Variants in EXOSC10 observed in about 807,000 individuals in gnomAD.
EXOSC10 encodes exosome complex component 10.
In EXOSC10, 94 loss-of-function variants were observed where a neutral mutation model predicts 126.6. That is an observed-to-expected ratio of 0.74 (90% CI 0.63 to 0.88). EXOSC10 has a LOEUF of 0.88. Among genes scored for constraint, EXOSC10 ranks in the 40% least tolerant of loss-of-function variants. The probability of loss-of-function intolerance (pLI) is 0.00; values close to 1 mark genes in which losing one functional copy is unlikely to be tolerated. For missense variants in EXOSC10, 1,041 were observed against 1,100.5 expected, an observed-to-expected ratio of 0.95 and a Z score of 0.77; for synonymous variants, 395 against 400.8, an observed-to-expected ratio of 0.99 and a Z score of 0.17.
chr1:11,070,218 C>T (rs184702260), intron 21 of EXOSC10, among the ~76,000 whole-genome samples: 298 of 132,678 alleles, frequency 2.2e-3, no homozygotes, highest in Middle Eastern at 0.014. Context: ...GCCTGGGCAT[C>T]AGGGTAAGAG....
At chr1:11,070,195 C>T (rs1557692093) in intron 21 of EXOSC10, among the ~76,000 whole-genome samples, 2 of 148,584 alleles carry the variant, frequency 1.3e-5, no homozygotes, top group Admixed American at 1.4e-4. Flanking sequence ...TATAATTGCA[C>T]CACTGTACTC....
intron 14 of EXOSC10, among the ~76,000 whole-genome samples, chr1:11,078,343 C>T (rs913776770): frequency 3.3e-5 from 5 of 150,860 alleles, no homozygotes; most frequent in Non-Finnish European, 5.9e-5. Context: ...CTGCAAGCTC[C>T]GCCTCCCGGG....
intron 1 of EXOSC10, among the ~76,000 whole-genome samples, chr1:11,098,732 A>T (rs938934905): frequency 7.2e-5 from 11 of 152,230 alleles, no homozygotes; most frequent in Non-Finnish European, 1.3e-4. Flanking sequence ...AACAGCTACT[A>T]TCTAAAACTG....
Position 11,070,959 on chromosome 1 carries a change from C to T in EXOSC10, c.2257G>A (p.Ala753Thr). 6.2e-7 allele frequency: 1 copy of T among 1,614,042 alleles called. No homozygotes were observed. The highest frequency in any genetic ancestry group is 8.5e-7 in the Non-Finnish European group (1 of 1,179,980). Residue 753 changes from alanine (A) to threonine (T), a missense_variant, in exon 21 of 25, where the codon GCA (alanine) becomes ACA (threonine). By Grantham distance (58) the Ala-to-Thr change is moderately conservative (BLOSUM62 0). Around this residue, in one of 3 missense-constraint regions of EXOSC10, gnomAD observed 388 missense variants for 415.2 expected, o/e 0.93. Coordinates refer to ENST00000376936, the MANE Select transcript of EXOSC10 (RefSeq NM_001001998.3). ...AAEQTAAREQ[A>T]KEACKAAAEQ... The stretch of plus-strand genomic sequence containing the variant: ...GCTGCAGCTTTGCACGCCTCCTTTG[C>T]CTGTTCCCGGGCAGCTGCAAGGGAG...
At chr1:11,097,211 C>T (rs1641153314) in intron 2 of EXOSC10, among the ~76,000 whole-genome samples, 2 of 150,268 alleles carry the variant, frequency 1.3e-5, no homozygotes, top group Admixed American at 6.6e-5. Context: ...CTCCGTACTC[C>T]CCCCCAACAA....
intron 17 of EXOSC10, 39 bp from the exon 18 acceptor site, chr1:11,074,365 A>G: frequency 1.4e-6 from 2 of 1,395,828 alleles, no homozygotes; most frequent in Non-Finnish European, 2.0e-6. Context: ...AATGACCATG[A>G]TCATCTGTGA....
intron 10 of EXOSC10, among the ~76,000 whole-genome samples, chr1:11,081,741 T>G (rs1026292191): frequency 6.6e-6 from 1 of 152,250 alleles, no homozygotes; most frequent in African/African-American, 2.4e-5. Flanking sequence ...TTATCTTTTA[T>G]TTGGATTTTA....
intron 24 of EXOSC10, 61 bp from the exon 25 acceptor site, chr1:11,066,809 T>C (rs1639123757): frequency 1.6e-5 from 26 of 1,582,718 alleles, no homozygotes; most frequent in Non-Finnish European, 2.3e-5. Context: ...TCTCAGATGG[T>C]TTACAAAATG....
intron 23 of EXOSC10, 43 bp from the exon 24 acceptor site, chr1:11,068,127 C>T: frequency 6.5e-7 from 1 of 1,530,980 alleles, no homozygotes; most frequent in Admixed American, 1.7e-5. Context: ...GGCACCTTGA[C>T]CACAAGATAC....
At position 11,091,582 on chromosome 1, in the gene EXOSC10, C is replaced by T. The variant is rs757766252; in HGVS notation, c.388G>A (p.Glu130Lys). The T allele has an allele frequency of 1.9e-6, 3 of 1,614,114 alleles. No individual in the cohort carries two copies. The East Asian group carries it at 6.7e-5, about 36-fold the overall frequency. ...TGATTCTTGTTTACACCTGAGGCTT[C>T]ATCCAGTAAAATACCCTAAGAGTAG... Reference protein sequence around the residue: ...ILERVGILLDEASGVNKNQQP... With the variant: ...ILERVGILLDKASGVNKNQQP... Residue 130 changes from glutamate (E) to lysine (K), a missense_variant, in exon 4 of 25, where the codon GAA (glutamate) becomes AAA (lysine). Transcript: ENST00000376936.
chr1:11,082,672 G>A lies in EXOSC10; in HGVS notation c.1280+16C>T. 1.9e-6 allele frequency: 3 copies of A among 1,613,440 alleles called. No individual in the cohort carries two copies. Among genetic ancestry groups the A allele is most frequent in the Non-Finnish European group, 2.5e-6 (3 of 1,179,406 alleles). ...TTCTTCTGCCACCCACATTTCCTCA[G>A]TAAGAGCAAACTGACCGTATTCTCC... On this transcript the variant is annotated intron_variant, in intron 10 of 24. Transcript: ENST00000376936.
At chr1:11,097,596 G>A (rs1025637175) in intron 2 of EXOSC10, among the ~76,000 whole-genome samples, 3 of 146,132 alleles carry the variant, frequency 2.1e-5, no homozygotes, top group African/African-American at 7.6e-5. Context: ...CGTGTTGACG[G>A]GCACCTGTAG....
At position 11,076,966 on chromosome 1, in the gene EXOSC10, A is replaced by G. The variant is rs201435830; in HGVS notation, c.1880-18T>C. On this transcript the variant is annotated intron_variant, in intron 16 of 24. Transcript: ENST00000376936. ...CACAGATCCTAGAGGAGCAGAAGAT[A>G]GTAAGGTCAAAGCCTACAGAATTTT... 17 of 1,583,486 alleles carry G rather than the reference A, an allele frequency of 1.1e-5. No individual in the cohort carries two copies. The East Asian group carries it at 3.6e-4, about 33-fold the overall frequency.
chr1:11,099,636 G>T, intron 1 of EXOSC10, 85 bp downstream of exon 1: 1 of 1,384,840 alleles, frequency 7.2e-7, no homozygotes, highest in South Asian at 1.5e-5. Flanking sequence ...CACTACGGCG[G>T]GCGGGCATTG....
At position 11,086,454 on chromosome 1, in the gene EXOSC10, G is replaced by A. The variant is rs551167096; in HGVS notation, c.1089+994C>T. Among the ~76,000 whole-genome samples, 3 of 152,242 alleles carry A rather than the reference G, an allele frequency of 2.0e-5. No homozygotes were observed. In the South Asian group the frequency reaches 6.2e-4, roughly 32 times the overall value. On this transcript the variant is annotated intron_variant, in intron 9 of 24. Transcript: ENST00000376936. ...CTGATGGTAGTTTGTATTTCTGTGG[G>A]ATCAGTGGTGATATCCCCTTTATCA...
At chr1:11,095,154 G>A (rs1641003579) in intron 3 of EXOSC10, among the ~76,000 whole-genome samples, 1 of 149,224 alleles carries the variant, frequency 6.7e-6, no homozygotes, top group South Asian at 2.2e-4. Context: ...GGAGGTTGCA[G>A]TGAACCAACA....
Position 11,077,420 on chromosome 1 carries a change from T to C in EXOSC10, c.1824A>G (p.Gly608=). 9 of 1,613,946 alleles carry C rather than the reference T, an allele frequency of 5.6e-6. No homozygotes were observed. The highest frequency in any genetic ancestry group is 7.6e-6 in the Non-Finnish European group (9 of 1,179,942). ...GAGGGGCATGGGAGCAGTCGTGAGG[T>C]CCAAAGAGAACATTCTCCAATCTCT... The part of the protein sequence containing the change: ...SAERLENVLF[G]PHDCSHAPPD... The change falls in exon 16 of 25, where the codon GGA becomes GGG. Residue 608 remains glycine (G), a synonymous_variant. Coordinates refer to ENST00000376936, the MANE Select transcript of EXOSC10 (RefSeq NM_001001998.3).
chr1:11,070,929 GTTC>G lies in EXOSC10; in HGVS notation c.2284_2286del (p.Glu762del), dbSNP rs751586077. The stretch of plus-strand genomic sequence containing the variant: ...ACCTGCTGTCGGACGGAGATGGCCT[GTTC>G]TGCTGCAGCTTTGCACGCCTCCTTT... On this transcript the variant is annotated inframe_deletion, in exon 21 of 25. Coordinates refer to ENST00000376936, the MANE Select transcript of EXOSC10 (RefSeq NM_001001998.3). The G allele has an allele frequency of 9.5e-5, 153 of 1,614,082 alleles. No individual in the cohort carries two copies. Among genetic ancestry groups the G allele is most frequent in the Admixed American group, 2.5e-4 (15 of 60,000 alleles).
chr1:11,089,866 C>T (rs1640705846), intron 6 of EXOSC10, among the ~76,000 whole-genome samples: 3 of 152,088 alleles, frequency 2.0e-5, no homozygotes, highest in African/African-American at 7.2e-5. Flanking sequence ...ATCACTTGAG[C>T]CCAGGAGGTA....
Sources: gnomAD v4.1 joint callset for allele counts (sites outside exome capture counted in the v4.1 genomes callset) on GRCh38, gnomAD v4.1.1 for gene constraint, gnomAD v4.1.1 regional missense constraint, MANE v1.5 for transcripts, NCBI Gene and HGNC (gene_info 2026-07-23, HGNC 2026-07-21) for gene names.